The following SCRN3 variants were observed in gnomAD, a reference collection of about 807,000 sequenced individuals.
SCRN3 encodes the protein secernin 3, also known as secernin-3.
A neutral mutation model predicts 43.1 loss-of-function variants in SCRN3; 39 were observed. The observed-to-expected ratio is 0.91, with a 90% confidence interval of 0.70 to 1.18. SCRN3 has a LOEUF of 1.18. Among genes scored for constraint, SCRN3 ranks in the 50% most tolerant of loss-of-function variants. The pLI is 0.00. For synonymous variants in SCRN3, 147 were observed against 163.1 expected (o/e 0.90, Z 0.75); for missense variants, 484 against 498.0 (o/e 0.97, Z 0.27).
intron 5 of SCRN3, among the ~76,000 whole-genome samples, chr2:174,415,817 G>A (rs1183820180): frequency 6.6e-6 from 1 of 152,038 alleles, no homozygotes; most frequent in Non-Finnish European, 1.5e-5. Flanking sequence ...GCTAATTTTT[G>A]TATTTTTTGT....
chr2:174,410,951 C>T (rs7570614), intron 5 of SCRN3, among the ~76,000 whole-genome samples: 40,159 of 152,108 alleles, frequency 0.26, 5,652 homozygotes, highest in Middle Eastern at 0.35. Flanking sequence ...AGATATACAC[C>T]TTAGAGGCTA....
rs1216413304 is a variant in SCRN3, at chr2:174,400,242, C to T, written c.341+139C>T. 5 of 557,610 alleles carry T rather than the reference C, an allele frequency of 9.0e-6. No homozygotes were observed. The Admixed American group carries it at 2.0e-4, about 22-fold the overall frequency. The allele number at this position is 557,610 out of a possible 1,614,324, so 34.5% of individuals were successfully genotyped here. The stretch of plus-strand genomic sequence containing the variant: ...GTGTCAAAATGGTTTAAAGTACCGG[C>T]ATGCAATTTCATGACTCTCAGTTTT... On this transcript the variant is annotated intron_variant, in intron 3 of 7. Coordinates refer to ENST00000272732, the MANE Select transcript of SCRN3 (RefSeq NM_024583.5).
At chr2:174,402,598 A>C (rs1454201262) in intron 4 of SCRN3, among the ~76,000 whole-genome samples, 2 of 152,090 alleles carry the variant, frequency 1.3e-5, no homozygotes, top group East Asian at 3.9e-4. Flanking sequence ...TGAGGTGGGG[A>C]GGATAGCTTG....
Position 174,410,919 on chromosome 2 carries a change from G to T in SCRN3, c.754+6604G>T, listed in dbSNP as rs6717333. 9.7e-3 allele frequency among the ~76,000 whole-genome samples: 1,481 copies of T among 152,274 alleles called. 32 individuals carry two copies. The highest frequency in any genetic ancestry group is 0.034 in the African/African-American group (1,405 of 41,558). On this transcript the variant is annotated intron_variant, in intron 5 of 7. Transcript: ENST00000272732. ...CCCACACAATCCTCCTCATCTCTGT[G>T]TCAGTTGGGGGATTCTGGACCAGAT...
At chr2:174,398,987 A>G (rs1273332923) in intron 2 of SCRN3, among the ~76,000 whole-genome samples, 2 of 152,202 alleles carry the variant, frequency 1.3e-5, no homozygotes. Context: ...TGACACATCA[A>G]AAAAGGTTTA....
rs561400664 is a variant in SCRN3 at position 174,399,163 on chromosome 2, T to C, written c.159+721T>C. Among the ~76,000 whole-genome samples the C allele has an allele frequency of 3.3e-5, 5 of 152,290 alleles. No individual in the cohort carries two copies. The South Asian group carries it at 6.2e-4, about 19-fold the overall frequency. On this transcript the variant is annotated intron_variant, in intron 2 of 7. Transcript: ENST00000272732. Reference sequence around the variant, plus strand: ...TTGTTGCTAATTCATACTTTTTAGATTTTATTTTATTGATATTCTAATATT... The same window carrying C: ...TTGTTGCTAATTCATACTTTTTAGACTTTATTTTATTGATATTCTAATATT...
At position 174,396,796 on chromosome 2, in the gene SCRN3, C is replaced by CAA. The variant is rs57053389; in HGVS notation, c.-10+990_-10+991dup. Among the ~76,000 whole-genome samples the CAA allele has an allele frequency of 1.2e-4, 16 of 137,410 alleles. No homozygotes were observed. In the South Asian group the frequency reaches 1.9e-3, roughly 16 times the overall value. The allele number at this position is 137,410 out of a possible 152,430, so 90.1% of individuals were successfully genotyped here. A position where few individuals can be genotyped will look rare whatever the true frequency, so the allele number is the denominator to read the frequency against. On this transcript the variant is annotated intron_variant, in intron 1 of 7. Transcript: ENST00000272732. ...CCGGGCAACAAGAGTTAAACTCCAT[C>CAA]AAAAAAAAAAAACAAAAAACGAATA...
At position 174,422,975 on chromosome 2, in the gene SCRN3, T is replaced by A. The variant is rs1388358712; in HGVS notation, c.845T>A (p.Met282Lys). The change falls in exon 6 of 8, where the codon ATG becomes AAG. Residue 282 changes from methionine to lysine, a missense_variant. Transcript: ENST00000272732. ...MEGEFLTTAS[M>K]VSILPQDSSL... Reference sequence around the variant, plus strand: ...GGAGAATTCCTGACCACTGCAAGCATGGTTTCTATTTTACCTCAAGACTCC... The same window carrying A: ...GGAGAATTCCTGACCACTGCAAGCAAGGTTTCTATTTTACCTCAAGACTCC... The A allele has an allele frequency of 6.2e-7, 1 of 1,613,798 alleles. No individual in the cohort carries two copies. The highest frequency in any genetic ancestry group is 8.5e-7 in the Non-Finnish European group (1 of 1,179,730).
Position 174,404,086 on chromosome 2 carries a change from T to C in SCRN3, c.542-17T>C, listed in dbSNP as rs1299572508. 1.9e-6 allele frequency: 3 copies of C among 1,596,314 alleles called. No homozygotes were observed. Among genetic ancestry groups the C allele is most frequent in the African/African-American group, 1.3e-5 (1 of 74,516 alleles). ...ATGACTTTTCTTCTCCTTTCTCCTC[T>C]TCTTCTTTGAAAATAGAGGGAGTTC... On this transcript the variant is annotated splice_polypyrimidine_tract_variant and intron_variant, in intron 4 of 7. Coordinates refer to ENST00000272732, the MANE Select transcript of SCRN3 (RefSeq NM_024583.5).
intron 1 of SCRN3, chr2:174,397,145 G>C (rs915390728): frequency 1.0e-6 from 1 of 980,362 alleles, no homozygotes; most frequent in Non-Finnish European, 1.2e-6. Flanking sequence ...CTGAGGAGAA[G>C]AGGAAAACCC....
intron 5 of SCRN3, among the ~76,000 whole-genome samples, chr2:174,411,993 C>T (rs996093271): frequency 1.3e-5 from 2 of 152,086 alleles, no homozygotes; most frequent in African/African-American, 2.4e-5. Context: ...AGCTGGTTCT[C>T]GTTGCGGGTA....
At chr2:174,402,053 A>T (rs1395265001) in intron 4 of SCRN3, among the ~76,000 whole-genome samples, 1 of 152,102 alleles carries the variant, frequency 6.6e-6, no homozygotes, top group African/African-American at 2.4e-5. Flanking sequence ...TTTGGGTGTT[A>T]TTTTTCAAAA....
At chr2:174,404,791 A>AT (rs1380995311) in intron 5 of SCRN3, among the ~76,000 whole-genome samples, 18 of 118,760 alleles carry the variant, frequency 1.5e-4, no homozygotes, top group Non-Finnish European at 3.1e-4. Flanking sequence ...CGAACTCATC[A>AT]TTTTTTATGG....
chr2:174,404,074 T>G, intron 4 of SCRN3, 29 bp from the exon 5 acceptor site: 1 of 1,549,514 alleles, frequency 6.5e-7, no homozygotes, highest in Non-Finnish European at 8.9e-7. Context: ...ACTTTTCTTC[T>G]CCTTTCTCCT....
At chr2:174,417,411 T>G (rs1435448553) in intron 5 of SCRN3, among the ~76,000 whole-genome samples, 2 of 152,198 alleles carry the variant, frequency 1.3e-5, no homozygotes, top group African/African-American at 4.8e-5. Flanking sequence ...TCTTTTTTTT[T>G]GAGGCAGAGT....
intron 7 of SCRN3, among the ~76,000 whole-genome samples, chr2:174,426,093 C>CT (rs1686472739): frequency 6.6e-6 from 1 of 152,030 alleles, no homozygotes; most frequent in Non-Finnish European, 1.5e-5. Context: ...TGACATTTAG[C>CT]TTTTTTGTCA....
intron 5 of SCRN3, among the ~76,000 whole-genome samples, chr2:174,412,135 C>A (rs1353743469): frequency 6.7e-6 from 1 of 148,378 alleles, no homozygotes; most frequent in Non-Finnish European, 1.5e-5. Flanking sequence ...AAAAAAAAAA[C>A]CAGAAGTCAA....
chr2:174,411,982 A>T (rs2105595380), intron 5 of SCRN3, among the ~76,000 whole-genome samples: 1 of 152,238 alleles, frequency 6.6e-6, no homozygotes, highest in Non-Finnish European at 1.5e-5. Context: ...CATTTAATGG[A>T]AGCTGGTTCT....
chr2:174,421,151 G>A (rs922255968), intron 5 of SCRN3, among the ~76,000 whole-genome samples: 11 of 152,136 alleles, frequency 7.2e-5, no homozygotes, highest in South Asian at 2.1e-4. Context: ...GGATTCTAAA[G>A]ATTGTAAAAT....
Sources: allele counts gnomAD v4.1 joint callset (sites outside exome capture counted in the v4.1 genomes callset), GRCh38; gene constraint gnomAD v4.1.1; transcripts MANE v1.5; gene names NCBI Gene and HGNC (gene_info 2026-07-23, HGNC 2026-07-21).